The following PRKCI variants were observed in gnomAD, a reference collection of about 807,000 sequenced individuals.
The protein encoded by PRKCI is protein kinase C iota.
In PRKCI, 43 loss-of-function variants were observed where a neutral mutation model predicts 84.0. The observed-to-expected ratio is 0.51, with a 90% CI of 0.40 to 0.66. The LOEUF is 0.66. Ranked by LOEUF, PRKCI falls within the 30% of genes least tolerant of loss-of-function variation. PRKCI has a pLI of 0.00. For synonymous variants in PRKCI, 216 were observed against 234.4 expected (o/e 0.92, Z 0.72); for missense variants, 459 against 745.6 (o/e 0.62, Z 4.48).
intron 2 of PRKCI, among the ~76,000 whole-genome samples, chr3:170,257,555 T>C (rs1733614878): frequency 6.6e-6 from 1 of 152,204 alleles, no homozygotes; most frequent in South Asian, 2.1e-4. Context: ...CCTGCCCCTT[T>C]TCCTTTCTCA....
chr3:170,295,821 G>A (rs1344990416), intron 14 of PRKCI, 90 bp from the exon 15 acceptor site: 1 of 693,056 alleles, frequency 1.4e-6, no homozygotes, highest in Admixed American at 3.4e-5. Context: ...CTCCAACCTG[G>A]GCAACAGAAC....
intron 1 of PRKCI, 65 bp from the exon 2 acceptor site, chr3:170,235,165 C>T (rs1430752630): frequency 6.7e-7 from 1 of 1,494,330 alleles, no homozygotes; most frequent in Non-Finnish European, 9.2e-7. Context: ...GTCAAGCATT[C>T]AGTAATATAT....
At chr3:170,235,962 AT>A (rs1358087471) in intron 2 of PRKCI, among the ~76,000 whole-genome samples, 1 of 145,602 alleles carries the variant, frequency 6.9e-6, no homozygotes, top group Non-Finnish European at 1.5e-5. Flanking sequence ...TTTTTTTTTT[AT>A]TTTTTAAAGA....
At chr3:170,248,588 A>G (rs1733354452) in intron 2 of PRKCI, among the ~76,000 whole-genome samples, 1 of 152,200 alleles carries the variant, frequency 6.6e-6, no homozygotes, top group African/African-American at 2.4e-5. Context: ...AGTTTTATCA[A>G]GCATTAAGCA....
chr3:170,269,140 C>G (rs1204963745), intron 5 of PRKCI, among the ~76,000 whole-genome samples: 1 of 152,164 alleles, frequency 6.6e-6, no homozygotes, highest in East Asian at 1.9e-4. Context: ...GTCTCAAACT[C>G]CTGACCTCGC....
chr3:170,297,944 C>G (rs955167075), intron 16 of PRKCI, among the ~76,000 whole-genome samples: 1 of 151,886 alleles, frequency 6.6e-6, no homozygotes, highest in African/African-American at 2.4e-5. Context: ...AGTGTGATCT[C>G]TGCTCACTGC....
At position 170,254,814 on chromosome 3, in the gene PRKCI, G is replaced by C. The variant is rs149956193; in HGVS notation, c.224-5155G>C. Among the ~76,000 whole-genome samples the C allele has an allele frequency of 4.2e-4, 64 of 152,186 alleles. No homozygotes were observed. The East Asian group carries it at 0.012, about 27-fold the overall frequency. ...TAGCTTTGGCCATTCTGGGTCTTTT[G>C]TGGTTCCATATAAATTTACAATGAT... is the stretch of plus-strand genomic sequence containing the variant. On this transcript the variant is annotated intron_variant, in intron 2 of 17. Transcript: ENST00000295797.
At chr3:170,254,238 A>G (rs987371720) in intron 2 of PRKCI, among the ~76,000 whole-genome samples, 4 of 151,932 alleles carry the variant, frequency 2.6e-5, no homozygotes, top group African/African-American at 9.7e-5. Context: ...TAGTGTGCAA[A>G]TATTTTCTCC....
chr3:170,295,452 TA>T (rs1734666659), intron 14 of PRKCI, among the ~76,000 whole-genome samples: 1 of 151,764 alleles, frequency 6.6e-6, no homozygotes. Flanking sequence ...GCGGATCACT[TA>T]CCTTCATGAG....
At chr3:170,245,951 T>TTTTTTTTTTTGTTTGTTTG (rs546211295) in intron 2 of PRKCI, among the ~76,000 whole-genome samples, 86 of 35,318 alleles carry the variant, frequency 2.4e-3, no homozygotes, top group African/African-American at 7.4e-3. Flanking sequence ...ATGTCTTTGT[T>TTTTTTTTTTTGTTTGTTTG]TTTTTTTTTT....
chr3:170,278,611 G>A (rs1039796691), intron 8 of PRKCI, among the ~76,000 whole-genome samples: 5 of 152,184 alleles, frequency 3.3e-5, no homozygotes, highest in Non-Finnish European at 7.3e-5. Context: ...AGCTATGTTC[G>A]TGCCACTGCA....
intron 2 of PRKCI, among the ~76,000 whole-genome samples, chr3:170,250,144 A>G (rs1457947708): frequency 6.6e-6 from 1 of 151,900 alleles, no homozygotes; most frequent in East Asian, 1.9e-4. Flanking sequence ...GTGGTGGCAC[A>G]CACCTGTAAT....
At chr3:170,292,042 T>G in intron 13 of PRKCI, 101 bp downstream of exon 13, 3 of 820,898 alleles carry the variant, frequency 3.7e-6, no homozygotes. Context: ...TGACGTGATC[T>G]TATTAATATA....
intron 8 of PRKCI, among the ~76,000 whole-genome samples, chr3:170,277,644 A>G (rs1339542239): frequency 1.3e-5 from 2 of 151,606 alleles, no homozygotes; most frequent in African/African-American, 4.9e-5. Context: ...CAGTGAGCAG[A>G]GACTGTACCA....
At chr3:170,291,781 G>C (rs1171198313) in intron 12 of PRKCI, 73 bp from the exon 13 acceptor site, 9 of 1,161,778 alleles carry the variant, frequency 7.7e-6, no homozygotes, top group Non-Finnish European at 1.2e-5. Flanking sequence ...TTATATGATA[G>C]GTGAAATAGA....
intron 12 of PRKCI, among the ~76,000 whole-genome samples, chr3:170,289,963 C>T (rs2108863902): frequency 6.6e-6 from 1 of 151,800 alleles, no homozygotes. Context: ...ATCCCAGCTA[C>T]TTGGGAGGCT....
intron 1 of PRKCI, among the ~76,000 whole-genome samples, chr3:170,226,964 A>G (rs1732642109): frequency 6.6e-6 from 1 of 152,224 alleles, no homozygotes; most frequent in Non-Finnish European, 1.5e-5. Context: ...ATATGGAGAT[A>G]AAATTGGTCA....
rs1412792990 is a variant in PRKCI at position 170,280,406 on chromosome 3, A to T, written c.882+3A>T. On this transcript the variant is annotated splice_donor_region_variant and intron_variant, in intron 9 of 17. Coordinates refer to ENST00000295797, the MANE Select transcript of PRKCI (RefSeq NM_002740.6). ...AAGAGCTTGTTAATGATGATGAGGTAAGCACTGCATATTTTATTGCTTCTA... is the reference window on the plus strand; with the variant it reads ...AAGAGCTTGTTAATGATGATGAGGTTAGCACTGCATATTTTATTGCTTCTA... 1 of 1,607,562 alleles carries T rather than the reference A, an allele frequency of 6.2e-7. No individual in the cohort carries two copies. Among genetic ancestry groups the T allele is most frequent in the East Asian group, 2.2e-5 (1 of 44,760 alleles).
chr3:170,246,347 T>C (rs1733285129), intron 2 of PRKCI, among the ~76,000 whole-genome samples: 2 of 151,896 alleles, frequency 1.3e-5, no homozygotes. Flanking sequence ...GAAACAGGGT[T>C]TTGCCATGTT....
Sources: gnomAD v4.1 joint callset for allele counts (sites outside exome capture counted in the v4.1 genomes callset) on GRCh38, gnomAD v4.1.1 for gene constraint, MANE v1.5 for transcripts, NCBI Gene and HGNC (gene_info 2026-07-23, HGNC 2026-07-21) for gene names.